Variants in DOCK8 observed in about 807,000 individuals in gnomAD.
The protein encoded by DOCK8 is dedicator of cytokinesis protein 8.
In DOCK8, 141 loss-of-function variants were observed where a neutral mutation model predicts 245.6. The ratio of observed to expected loss-of-function variants is 0.57; its 90% confidence interval spans 0.50 to 0.66. DOCK8 has a LOEUF of 0.66. Among genes scored for constraint, DOCK8 ranks in the 30% least tolerant of loss-of-function variants. The pLI is 0.00. For synonymous variants in DOCK8, 1,168 were observed against 970.2 expected (o/e 1.20, Z -3.79); for missense variants, 2,965 against 2,603.4 (o/e 1.14, Z -3.02).
intron 14 of DOCK8, among the ~76,000 whole-genome samples, chr9:346,831 C>T (rs577103274): frequency 1.3e-5 from 2 of 148,380 alleles, no homozygotes; most frequent in South Asian, 2.1e-4. Flanking sequence ...GGAATGTCTG[C>T]GAGTTATGAT....
chr9:408,238 A>G (rs370122666), intron 28 of DOCK8, among the ~76,000 whole-genome samples: 1 of 152,226 alleles, frequency 6.6e-6, no homozygotes, highest in African/African-American at 2.4e-5. Flanking sequence ...TGAAACAAAT[A>G]CAGGAGCACA....
At chr9:242,771 A>G (rs544001823) in intron 1 of DOCK8, among the ~76,000 whole-genome samples, 30 of 150,652 alleles carry the variant, frequency 2.0e-4, no homozygotes, top group African/African-American at 6.3e-4. Context: ...TTGCTGGAAC[A>G]TGGTTTCATC....
At chr9:361,902 G>C (rs1055496113) in intron 14 of DOCK8, among the ~76,000 whole-genome samples, 6 of 152,144 alleles carry the variant, frequency 3.9e-5, no homozygotes, top group Admixed American at 2.6e-4. Flanking sequence ...CCCTGTCAAA[G>C]ATAAAATTTT....
At chr9:423,217 A>C (rs2056350369) in intron 33 of DOCK8, among the ~76,000 whole-genome samples, 1 of 152,172 alleles carries the variant, frequency 6.6e-6, no homozygotes, top group Non-Finnish European at 1.5e-5. Context: ...AGAATAAAAA[A>C]ACCTGTTTGG....
intron 14 of DOCK8, chr9:366,523 C>G (rs977548167): frequency 6.6e-6 from 1 of 152,152 alleles, no homozygotes; most frequent in African/African-American, 2.4e-5. Context: ...ACTTTTCTTT[C>G]CTTGATGTGG....
At chr9:400,848 CCA>C (rs1586917276) in intron 26 of DOCK8, among the ~76,000 whole-genome samples, 3 of 104,646 alleles carry the variant, frequency 2.9e-5, no homozygotes, top group African/African-American at 4.0e-5. Context: ...ACCACCTCCA[CCA>C]TCACCACCTC....
At chr9:233,436 A>C (rs962727018) in intron 1 of DOCK8, among the ~76,000 whole-genome samples, 1 of 152,192 alleles carries the variant, frequency 6.6e-6, no homozygotes, top group Non-Finnish European at 1.5e-5. Flanking sequence ...AGCTGAGGTC[A>C]ATTCCTCGGT....
intron 11 of DOCK8, 106 bp downstream of exon 11, chr9:334,490 G>A: frequency 7.8e-7 from 1 of 1,276,698 alleles, no homozygotes. Flanking sequence ...GTGGGAAGTG[G>A]GGAGGCAGAA....
chr9:433,744 C>T (rs1043826800), intron 37 of DOCK8, 131 bp from the exon 38 acceptor site: 1 of 756,834 alleles, frequency 1.3e-6, no homozygotes, highest in Non-Finnish European at 2.3e-6. Flanking sequence ...CTAGATGACT[C>T]CGCCATCCCT....
At chr9:255,857 C>T (rs2047760328) in intron 1 of DOCK8, among the ~76,000 whole-genome samples, 1 of 152,044 alleles carries the variant, frequency 6.6e-6, no homozygotes, top group African/African-American at 2.4e-5. Context: ...AAAAATACCT[C>T]TTCCCCTCAA....
chr9:257,843 C>G (rs1430754289), intron 1 of DOCK8, among the ~76,000 whole-genome samples: 3 of 152,204 alleles, frequency 2.0e-5, no homozygotes, highest in Non-Finnish European at 4.4e-5. Context: ...ACACAGATAG[C>G]TGGGCCCATC....
chr9:364,659 A>AAAAAG (rs2052889618), intron 14 of DOCK8, among the ~76,000 whole-genome samples: 2 of 147,796 alleles, frequency 1.4e-5, no homozygotes, highest in African/African-American at 5.0e-5. Flanking sequence ...AAAAAAAAAA[A>AAAAAG]GGTTTAATGT....
rs558115854 is a variant in DOCK8, at chr9:315,515, G to A, written c.742-1528G>A. Among the ~76,000 whole-genome samples the A allele has an allele frequency of 1.4e-4, 22 of 152,260 alleles. No individual in the cohort carries two copies. In the South Asian group the frequency reaches 4.6e-3, roughly 32 times the overall value. On this transcript the variant is annotated intron_variant, in intron 6 of 47. Coordinates refer to ENST00000432829, the MANE Select transcript of DOCK8 (RefSeq NM_203447.4). ...TGAAACTGACAAAAATTATTTAGTG[G>A]CAATAAGAAATTATTAATTTTTAGG...
chr9:241,640 G>A (rs1162680875), intron 1 of DOCK8, among the ~76,000 whole-genome samples: 1 of 152,154 alleles, frequency 6.6e-6, no homozygotes, highest in Non-Finnish European at 1.5e-5. Flanking sequence ...AGACACGTAA[G>A]TTGATTCCAT....
intron 26 of DOCK8, among the ~76,000 whole-genome samples, chr9:400,584 TCAC>T (rs1319032751): frequency 1.3e-3 from 13 of 10,068 alleles, no homozygotes; most frequent in Non-Finnish European, 2.1e-3. Context: ...ACCTCCACCA[TCAC>T]CACCACCTCC....
intron 15 of DOCK8, 71 bp from the exon 16 acceptor site, chr9:370,159 G>C: frequency 7.7e-7 from 1 of 1,293,774 alleles, no homozygotes; most frequent in Non-Finnish European, 1.1e-6. Flanking sequence ...ACATCCTGTT[G>C]GCCTGATGAT....
chr9:215,534 C>T (rs635615), intron 1 of DOCK8: 404,308 of 1,246,910 alleles, frequency 0.32, 67,262 homozygotes, highest in East Asian at 0.48. Context: ...TTCATTATTC[C>T]AGAAAGAGCT....
At chr9:377,316 T>C (rs2053560462) in intron 20 of DOCK8, 105 bp downstream of exon 20, 1 of 1,153,692 alleles carries the variant, frequency 8.7e-7, no homozygotes, top group African/African-American at 1.5e-5. Context: ...GTGATCTTCC[T>C]TTCCACTGAT....
intron 2 of DOCK8, among the ~76,000 whole-genome samples, chr9:273,765 G>A (rs1056283818): frequency 1.7e-4 from 25 of 148,766 alleles, no homozygotes; most frequent in African/African-American, 5.5e-4. Context: ...TCGGCTCATC[G>A]CAACCTCTGC....
Sources: gnomAD v4.1 joint callset for allele counts (sites outside exome capture counted in the v4.1 genomes callset) on GRCh38, gnomAD v4.1.1 for gene constraint, MANE v1.5 for transcripts, NCBI Gene and HGNC (gene_info 2026-07-23, HGNC 2026-07-21) for gene names.